FGGY: variants seen among roughly 807,000 people sequenced by gnomAD.
The protein encoded by FGGY is FGGY carbohydrate kinase domain containing.
In FGGY, 72 loss-of-function variants were observed where a neutral mutation model predicts 71.3. The ratio of observed to expected loss-of-function variants is 1.01; its 90% confidence interval spans 0.84 to 1.23. The LOEUF is 1.23. Among genes scored for constraint, FGGY ranks in the 50% most tolerant of loss-of-function variants. The pLI is 0.00. For synonymous variants in FGGY, 251 were observed against 250.3 expected, an observed-to-expected ratio of 1.00 and a Z score of -0.02; for missense variants, 668 against 682.3, an observed-to-expected ratio of 0.98 and a Z score of 0.23.
intron 5 of FGGY, among the ~76,000 whole-genome samples, chr1:59,436,241 C>T (rs1230999317): frequency 6.6e-6 from 1 of 152,102 alleles, no homozygotes; most frequent in South Asian, 2.1e-4. Flanking sequence ...TTCTTTCTTT[C>T]CCTGCTCTTC....
At chr1:59,465,228 A>T (rs2092542972) in intron 6 of FGGY, among the ~76,000 whole-genome samples, 1 of 152,236 alleles carries the variant, frequency 6.6e-6, no homozygotes, top group African/African-American at 2.4e-5. Flanking sequence ...AATTAACATA[A>T]TCCATCACAT....
In FGGY at chr1:59,339,828, T is replaced by A. The variant is rs1328106661; in HGVS notation, c.202-130T>A. The A allele has an allele frequency of 5.0e-6, 3 of 597,880 alleles. No individual in the cohort carries two copies. The African/African-American group carries it at 5.6e-5, about 11-fold the overall frequency. The allele number at this position is 597,880 out of a possible 1,614,324, so 37.0% of individuals were successfully genotyped here. On this transcript the variant is annotated intron_variant, in intron 2 of 15. Transcript: ENST00000303721. ...GGATCTTTTGGGATTATAGTGATAC[T>A]AAATTTTTATCTGTTTTATGTTGTA...
rs184880589 is a variant in FGGY at position 59,523,490 on chromosome 1, T to C, written c.799+11051T>C. ...CAGTTTTCTCTTAGCTGTGCATTCATATCAGTCATTGTAAAGAGCAAAGAG... is the reference window on the plus strand; with the variant it reads ...CAGTTTTCTCTTAGCTGTGCATTCACATCAGTCATTGTAAAGAGCAAAGAG... On this transcript the variant is annotated intron_variant, in intron 7 of 15. Coordinates refer to ENST00000303721, the MANE Select transcript of FGGY (RefSeq NM_018291.5). Among the ~76,000 whole-genome samples, 32 of 152,360 alleles carry C rather than the reference T, an allele frequency of 2.1e-4. 1 individual carries two copies. Among genetic ancestry groups the C allele is most frequent in the Admixed American group, 2.0e-3 (30 of 15,308 alleles).
At chr1:59,612,076 C>A (rs1441152720) in intron 9 of FGGY, among the ~76,000 whole-genome samples, 3 of 152,212 alleles carry the variant, frequency 2.0e-5, no homozygotes, top group African/African-American at 4.8e-5. Flanking sequence ...AAACACTCTG[C>A]AGGATATTAT....
At chr1:59,654,741 C>A (rs563912091) in intron 11 of FGGY, among the ~76,000 whole-genome samples, 1 of 152,172 alleles carries the variant, frequency 6.6e-6, no homozygotes, top group African/African-American at 2.4e-5. Flanking sequence ...ATTGCTGGAC[C>A]CACACCAAAG....
chr1:59,588,771 A>C (rs942207906), intron 8 of FGGY, among the ~76,000 whole-genome samples: 1 of 152,212 alleles, frequency 6.6e-6, no homozygotes, highest in Non-Finnish European at 1.5e-5. Context: ...GCCTGCCCTA[A>C]AAGAGCTCCT....
intron 14 of FGGY, among the ~76,000 whole-genome samples, chr1:59,750,250 C>G (rs1005657449): frequency 2.0e-5 from 3 of 152,080 alleles, no homozygotes; most frequent in African/African-American, 7.2e-5. Context: ...GACCAAGAGA[C>G]CAATTTGAGG....
At position 59,503,613 on chromosome 1, in the gene FGGY, AT is replaced by A. The variant is rs1558148192; in HGVS notation, c.671-8697del. ...TGTCGCCATATATATATATATATAT[AT>A]ATATAAAATATGTATTATATATATA... On this transcript the variant is annotated intron_variant, in intron 6 of 15. Transcript: ENST00000303721. Among the ~76,000 whole-genome samples the A allele has an allele frequency of 5.4e-5, 8 of 147,002 alleles. No homozygotes were observed. The East Asian group carries it at 1.6e-3, about 29-fold the overall frequency.
intron 6 of FGGY, among the ~76,000 whole-genome samples, chr1:59,467,916 T>G (rs545120209): frequency 1.1e-3 from 166 of 150,234 alleles, no homozygotes; most frequent in Non-Finnish European, 1.8e-3. Flanking sequence ...GTTTTGTTTT[T>G]TTTTGAGATG....
At chr1:59,360,204 C>T (rs907359755) in intron 4 of FGGY, among the ~76,000 whole-genome samples, 8 of 151,780 alleles carry the variant, frequency 5.3e-5, no homozygotes, top group Admixed American at 6.6e-5. Context: ...TCACCAGTCC[C>T]TGTTCTGGCA....
intron 14 of FGGY, among the ~76,000 whole-genome samples, chr1:59,726,008 G>A (rs890033246): frequency 6.6e-6 from 1 of 152,104 alleles, no homozygotes; most frequent in African/African-American, 2.4e-5. Context: ...TAGTGGGAAA[G>A]CATCCAGTTT....
intron 14 of FGGY, among the ~76,000 whole-genome samples, chr1:59,738,622 T>A (rs1439758647): frequency 2.0e-5 from 3 of 152,222 alleles, no homozygotes; most frequent in African/African-American, 7.2e-5. Context: ...GAATCCCATG[T>A]CAGAAGAAAC....
At chr1:59,485,727 G>A (rs1456077506) in intron 6 of FGGY, among the ~76,000 whole-genome samples, 1 of 152,144 alleles carries the variant, frequency 6.6e-6, no homozygotes, top group African/African-American at 2.4e-5. Context: ...TCATTATTGA[G>A]CACCTACTAT....
At chr1:59,486,554 G>C (rs750253964) in intron 6 of FGGY, among the ~76,000 whole-genome samples, 10 of 152,136 alleles carry the variant, frequency 6.6e-5, no homozygotes, top group Admixed American at 5.9e-4. Context: ...CTCTGCCCCA[G>C]GGCTAACAGG....
At chr1:59,727,993 CT>C (rs1324233770) in intron 14 of FGGY, among the ~76,000 whole-genome samples, 3 of 152,018 alleles carry the variant, frequency 2.0e-5, no homozygotes, top group Non-Finnish European at 4.4e-5. Context: ...CTGGCAATTT[CT>C]TTCTTTTAAT....
chr1:59,561,776 A>T (rs559372157), intron 8 of FGGY, among the ~76,000 whole-genome samples: 4 of 152,328 alleles, frequency 2.6e-5, no homozygotes, highest in African/African-American at 7.2e-5. Flanking sequence ...CAACACTTTG[A>T]GCCCTCTGGA....
intron 2 of FGGY, among the ~76,000 whole-genome samples, chr1:59,323,818 G>A (rs1415838826): frequency 1.3e-5 from 2 of 152,224 alleles, no homozygotes; most frequent in Admixed American, 6.5e-5. Flanking sequence ...TGTATGGGTT[G>A]TTTCCTATGG....
chr1:59,363,188 T>C (rs1189461777), intron 4 of FGGY, among the ~76,000 whole-genome samples: 2 of 152,200 alleles, frequency 1.3e-5, no homozygotes, highest in Non-Finnish European at 2.9e-5. Flanking sequence ...GAGTTAAATG[T>C]TGCTACCAAT....
chr1:59,304,092 T>G (rs1024370319), intron 1 of FGGY, among the ~76,000 whole-genome samples: 2 of 152,134 alleles, frequency 1.3e-5, no homozygotes, highest in African/African-American at 4.8e-5. Context: ...TGATGTAGCC[T>G]CACTTGTTTA....
Sources: allele counts gnomAD v4.1 joint callset (sites outside exome capture counted in the v4.1 genomes callset), GRCh38; gene constraint gnomAD v4.1.1; transcripts MANE v1.5; gene names NCBI Gene and HGNC (gene_info 2026-07-23, HGNC 2026-07-21).